The following PITPNC1 variants were observed in gnomAD, a reference collection of about 807,000 sequenced individuals.
The protein encoded by PITPNC1 is cytoplasmic phosphatidylinositol transfer protein 1.
PITPNC1 carries 18 observed loss-of-function variants against 44.7 expected under a neutral mutation model. The observed-to-expected ratio is 0.40, with a 90% CI of 0.28 to 0.60. The LOEUF (loss-of-function observed/expected upper bound fraction) is 0.60. Ranked by LOEUF, PITPNC1 falls within the 20% of genes least tolerant of loss-of-function variation. The pLI, the probability that PITPNC1 is intolerant of heterozygous loss-of-function variation, is 0.39. For synonymous variants in PITPNC1, 141 were observed against 149.6 expected, an observed-to-expected ratio of 0.94 and a Z score of 0.42; for missense variants, 290 against 418.4, an observed-to-expected ratio of 0.69 and a Z score of 2.68.
chr17:67,443,391 G>A (rs1181017253), intron 1 of PITPNC1, among the ~76,000 whole-genome samples: 1 of 151,696 alleles, frequency 6.6e-6, no homozygotes, highest in African/African-American at 2.4e-5. Context: ...TTTTCCCATA[G>A]GAAATTGTTC....
chr17:67,647,744 A>C (rs1439220232), intron 6 of PITPNC1, among the ~76,000 whole-genome samples: 1 of 152,168 alleles, frequency 6.6e-6, no homozygotes, highest in Non-Finnish European at 1.5e-5. Context: ...TAACTTGCCC[A>C]GGTTCACACA....
At chr17:67,436,748 T>C (rs1319009113) in intron 1 of PITPNC1, among the ~76,000 whole-genome samples, 2 of 151,924 alleles carry the variant, frequency 1.3e-5, no homozygotes, top group African/African-American at 4.8e-5. Flanking sequence ...TTTGTGTGGA[T>C]GGCTGAGGTA....
chr17:67,617,568 C>A (rs897586683), intron 5 of PITPNC1, among the ~76,000 whole-genome samples: 3 of 152,170 alleles, frequency 2.0e-5, no homozygotes, highest in Non-Finnish European at 2.9e-5. Flanking sequence ...CAAAACAAAT[C>A]ATCACAAATT....
intron 1 of PITPNC1, among the ~76,000 whole-genome samples, chr17:67,389,960 C>G (rs1040811732): frequency 9.2e-5 from 14 of 151,908 alleles, no homozygotes; most frequent in African/African-American, 3.4e-4. Flanking sequence ...ATTACAGACG[C>G]GAGCCACCGT....
At chr17:67,550,787 C>T (rs2040750256) in intron 2 of PITPNC1, among the ~76,000 whole-genome samples, 1 of 152,122 alleles carries the variant, frequency 6.6e-6, no homozygotes, top group South Asian at 2.1e-4. Context: ...ATGGGCCGGG[C>T]GCAGTCGCTC....
At chr17:67,653,847 C>T (rs1363384354) in intron 6 of PITPNC1, among the ~76,000 whole-genome samples, 1 of 152,210 alleles carries the variant, frequency 6.6e-6, no homozygotes, top group Non-Finnish European at 1.5e-5. Context: ...AAGGAAAGGA[C>T]AGCGTATGCC....
chr17:67,629,780 C>G (rs529511477), intron 5 of PITPNC1, among the ~76,000 whole-genome samples: 1 of 152,128 alleles, frequency 6.6e-6, no homozygotes, highest in South Asian at 2.1e-4. Context: ...TTCACTTGTC[C>G]CTCCCAAATG....
chr17:67,578,306 A>G, intron 5 of PITPNC1, 49 bp downstream of exon 5: 1 of 1,273,802 alleles, frequency 7.9e-7, no homozygotes, highest in Non-Finnish European at 1.1e-6. Flanking sequence ...GGCTCTGAAT[A>G]TCACAGCACT....
chr17:67,566,306 C>T (rs572322678), intron 4 of PITPNC1, among the ~76,000 whole-genome samples: 57 of 152,216 alleles, frequency 3.7e-4, no homozygotes, highest in East Asian at 7.7e-4. Context: ...CAGGTTCAAG[C>T]GATTCTCCTG....
At chr17:67,663,801 G>A (rs1419486197) in intron 6 of PITPNC1, among the ~76,000 whole-genome samples, 6 of 152,170 alleles carry the variant, frequency 3.9e-5, no homozygotes, top group South Asian at 2.1e-4. Context: ...GAAAGGGGCA[G>A]TAACTTCACA....
chr17:67,555,931 C>T (rs2040833339), intron 4 of PITPNC1, among the ~76,000 whole-genome samples: 2 of 152,220 alleles, frequency 1.3e-5, no homozygotes, highest in South Asian at 4.2e-4. Flanking sequence ...CATAACTGAG[C>T]AATTATCTCT....
intron 1 of PITPNC1, among the ~76,000 whole-genome samples, chr17:67,459,470 C>T (rs747024354): frequency 2.0e-5 from 3 of 151,904 alleles, no homozygotes; most frequent in Non-Finnish European, 2.9e-5. Flanking sequence ...ATGGTTTCAC[C>T]TCCTTTGTCC....
At chr17:67,628,093 G>A (rs1415619429) in intron 5 of PITPNC1, among the ~76,000 whole-genome samples, 1 of 151,762 alleles carries the variant, frequency 6.6e-6, no homozygotes, top group African/African-American at 2.4e-5. Context: ...CACCCGGCTG[G>A]GGTTTCACCA....
At position 67,482,332 on chromosome 17, in the gene PITPNC1, C is replaced by T. The variant is rs187730767; in HGVS notation, c.49-50470C>T. Reference sequence around the variant, plus strand: ...GGTATTTCTAGGCTTATTTGGAAGGCAAACCAAAAAGCATAGAGAGTTTTT... The same window carrying T: ...GGTATTTCTAGGCTTATTTGGAAGGTAAACCAAAAAGCATAGAGAGTTTTT... On this transcript the variant is annotated intron_variant, in intron 1 of 8. Transcript: ENST00000581322. Among the ~76,000 whole-genome samples, 107 of 152,122 alleles carry T rather than the reference C, an allele frequency of 7.0e-4. No individual in the cohort carries two copies. The Middle Eastern group carries it at 0.014, about 19-fold the overall frequency.
At chr17:67,677,490 G>C (rs921306936) in intron 8 of PITPNC1, among the ~76,000 whole-genome samples, 3 of 151,958 alleles carry the variant, frequency 2.0e-5, no homozygotes, top group Non-Finnish European at 4.4e-5. Context: ...TGGGTATCTA[G>C]TAAATGAAAG....
chr17:67,555,377 C>T (rs2040821766), intron 4 of PITPNC1, among the ~76,000 whole-genome samples: 1 of 152,260 alleles, frequency 6.6e-6, no homozygotes, highest in African/African-American at 2.4e-5. Context: ...CATATATGCC[C>T]AGGCAGCGGG....
At chr17:67,506,639 C>G (rs1978735) in intron 1 of PITPNC1, among the ~76,000 whole-genome samples, 95,411 of 151,722 alleles carry the variant, frequency 0.63, 29,989 homozygotes, top group East Asian at 0.75. Context: ...AATGACTTTT[C>G]AGTACTTACT....
intron 1 of PITPNC1, among the ~76,000 whole-genome samples, chr17:67,470,742 C>A (rs994831161): frequency 6.6e-6 from 1 of 151,846 alleles, no homozygotes; most frequent in South Asian, 2.1e-4. Flanking sequence ...ATGACAATGG[C>A]GGCTTTGTGG....
At chr17:67,662,244 G>A (rs1040340283) in intron 6 of PITPNC1, among the ~76,000 whole-genome samples, 15 of 150,780 alleles carry the variant, frequency 9.9e-5, no homozygotes, top group African/African-American at 3.2e-4. Flanking sequence ...ACCTGAGGTC[G>A]GGAGTTCAAG....
Sources: gnomAD v4.1 joint callset for allele counts (sites outside exome capture counted in the v4.1 genomes callset) on GRCh38, gnomAD v4.1.1 for gene constraint, MANE v1.5 for transcripts, NCBI Gene and HGNC (gene_info 2026-07-23, HGNC 2026-07-21) for gene names.